Variants in LARGE1 observed in about 807,000 individuals in gnomAD.
LARGE1 encodes xylosyl- and glucuronyltransferase LARGE1.
LARGE1 carries 43 observed loss-of-function variants against 87.6 expected under a neutral mutation model. The observed-to-expected ratio is 0.49, with a 90% confidence interval of 0.38 to 0.63. The LOEUF (loss-of-function observed/expected upper bound fraction) is 0.63, where lower values mean the gene tolerates loss of function less well. Ranked by LOEUF, LARGE1 falls within the 30% of genes least tolerant of loss-of-function variation. The probability of loss-of-function intolerance (pLI) is 0.00; values close to 1 mark genes in which losing one functional copy is unlikely to be tolerated. For missense variants in LARGE1, 802 were observed against 1,000.2 expected (o/e 0.80, Z 2.67); for synonymous variants, 434 against 394.6 (o/e 1.10, Z -1.18).
downstream of LARGE1, among the ~76,000 whole-genome samples, chr22:33,272,273 G>A (rs891982555): frequency 6.6e-6 from 1 of 152,236 alleles, no homozygotes; most frequent in Non-Finnish European, 1.5e-5. Context: ...TCTAGGGAAG[G>A]AGGAGAAATT....
chr22:33,647,106 CA>C (rs1248550680), intron 3 of LARGE1, among the ~76,000 whole-genome samples: 1 of 152,230 alleles, frequency 6.6e-6, no homozygotes. Context: ...TCTGTATTCT[CA>C]GGGGCTACTC....
intron 2 of LARGE1, among the ~76,000 whole-genome samples, chr22:33,752,959 C>T (rs1319883117): frequency 2.0e-5 from 3 of 152,206 alleles, no homozygotes; most frequent in Admixed American, 6.5e-5. Flanking sequence ...GGGCAGCTCA[C>T]GCCTGTAATC....
At chr22:33,536,592 C>CT (rs2077050746) in intron 6 of LARGE1, among the ~76,000 whole-genome samples, 2 of 152,330 alleles carry the variant, frequency 1.3e-5, no homozygotes, top group Admixed American at 1.3e-4. Flanking sequence ...CCTGTTTCAT[C>CT]TTTATCTACT....
chr22:33,448,060 CAGAG>C (rs748780321), intron 6 of LARGE1, among the ~76,000 whole-genome samples: 1 of 150,732 alleles, frequency 6.6e-6, no homozygotes, highest in Non-Finnish European at 1.5e-5. Flanking sequence ...TTCACGGAGA[CAGAG>C]AGCAGATTAG....
intron 11 of LARGE1, among the ~76,000 whole-genome samples, chr22:33,259,718 C>T (rs961521718): frequency 3.9e-5 from 6 of 152,128 alleles, no homozygotes; most frequent in Non-Finnish European, 8.8e-5. Flanking sequence ...GATGACAATT[C>T]AATGGTGAGG....
chr22:33,226,738 T>A (rs1211464981), intron 11 of LARGE1, among the ~76,000 whole-genome samples: 1 of 17,812 alleles, frequency 5.6e-5, no homozygotes, highest in Non-Finnish European at 1.1e-4. Flanking sequence ...TTATTATTAT[T>A]TTTTTTTTTG....
chr22:33,195,762 T>TC (rs751891696), intron 11 of LARGE1, among the ~76,000 whole-genome samples: 6,341 of 114,568 alleles, frequency 0.055, 172 homozygotes, highest in African/African-American at 0.12. Context: ...TTTTCTTTTT[T>TC]TTTTTTTTTT....
At chr22:33,520,739 C>T (rs1436554514) in intron 6 of LARGE1, among the ~76,000 whole-genome samples, 1 of 152,194 alleles carries the variant, frequency 6.6e-6, no homozygotes, top group African/African-American at 2.4e-5. Flanking sequence ...CATGGGATTC[C>T]GTGCAAAACA....
chr22:33,431,313 T>C (rs566808073), intron 7 of LARGE1, among the ~76,000 whole-genome samples: 103 of 152,288 alleles, frequency 6.8e-4, no homozygotes, highest in African/African-American at 2.4e-3. Context: ...AAGGGACAGC[T>C]GGTGAACAAG....
intron 10 of LARGE1, among the ~76,000 whole-genome samples, chr22:33,331,360 CT>C: frequency 6.6e-6 from 1 of 151,952 alleles, no homozygotes; most frequent in South Asian, 2.1e-4. Flanking sequence ...CAAAAATTAA[CT>C]TGTGCAGCTC....
At chr22:33,471,177 A>G (rs2267216) in intron 6 of LARGE1, among the ~76,000 whole-genome samples, 31,950 of 151,656 alleles carry the variant, frequency 0.21, 3,483 homozygotes, top group East Asian at 0.29. Context: ...AAGGGCACAC[A>G]CTACCATGCC....
At chr22:33,547,008 C>T (rs1055565268) in intron 6 of LARGE1, among the ~76,000 whole-genome samples, 4 of 152,096 alleles carry the variant, frequency 2.6e-5, no homozygotes, top group African/African-American at 9.7e-5. Context: ...CTGCCACTTG[C>T]CAGTTAGAAG....
chr22:33,135,111 T>C, the LARGE1 span, among the ~76,000 whole-genome samples: 2 of 152,218 alleles, frequency 1.3e-5, no homozygotes, highest in African/African-American at 4.8e-5. Context: ...AGTGAGCACA[T>C]GGGTGTAGTA....
chr22:33,768,771 A>G (rs2145796066), intron 1 of LARGE1, among the ~76,000 whole-genome samples: 1 of 152,296 alleles, frequency 6.6e-6, no homozygotes, highest in African/African-American at 2.4e-5. Flanking sequence ...AGACCAAGGA[A>G]TGTTTACACC....
At chr22:33,266,084 A>C (rs1390089577) in intron 11 of LARGE1, among the ~76,000 whole-genome samples, 1 of 152,074 alleles carries the variant, frequency 6.6e-6, no homozygotes, top group East Asian at 1.9e-4. Flanking sequence ...CTAGGAAACT[A>C]TCAAGACAAT....
intron 9 of LARGE1, among the ~76,000 whole-genome samples, chr22:33,351,660 T>C (rs142304055): frequency 4.9e-4 from 75 of 152,248 alleles, no homozygotes; most frequent in African/African-American, 1.8e-3. Context: ...CTACCCCCTT[T>C]GCGAGGAGAT....
At chr22:33,784,194 A>G (rs1398236513) in intron 1 of LARGE1, among the ~76,000 whole-genome samples, 1 of 152,168 alleles carries the variant, frequency 6.6e-6, no homozygotes, top group Non-Finnish European at 1.5e-5. Flanking sequence ...TAAACCAATA[A>G]CATTACGACT....
intron 1 of LARGE1, among the ~76,000 whole-genome samples, chr22:33,898,007 G>T (rs895028127): frequency 1.3e-5 from 2 of 152,094 alleles, no homozygotes; most frequent in African/African-American, 4.8e-5. Flanking sequence ...GTAGCAATGA[G>T]ACCCTGTTTA....
At chr22:33,434,010 T>C (rs1216647833) in intron 6 of LARGE1, among the ~76,000 whole-genome samples, 1 of 152,234 alleles carries the variant, frequency 6.6e-6, no homozygotes, top group East Asian at 1.9e-4. Flanking sequence ...TTGTATATGA[T>C]GACATCTAAA....
Sources: allele counts gnomAD v4.1 joint callset (sites outside exome capture counted in the v4.1 genomes callset), GRCh38; gene constraint gnomAD v4.1.1; transcripts MANE v1.5; gene names NCBI Gene and HGNC (gene_info 2026-07-23, HGNC 2026-07-21).